The following MYO1H variants were observed in gnomAD, a reference collection of about 807,000 sequenced individuals.
The protein encoded by MYO1H is myosin IH.
A neutral mutation model predicts 149.3 loss-of-function variants in MYO1H; 118 were observed. The ratio of observed to expected loss-of-function variants is 0.79; its 90% CI spans 0.68 to 0.92. The LOEUF is 0.92. MYO1H is among the 40% of genes least tolerant of loss of function. MYO1H has a pLI of 0.00. For missense variants in MYO1H, 1,212 were observed against 1,280.7 expected (o/e 0.95, Z 0.82); for synonymous variants, 447 against 465.2 (o/e 0.96, Z 0.50).
At chr12:109,447,063 C>A in intron 31 of MYO1H, 96 bp from the exon 32 acceptor site, 1 of 1,273,124 alleles carries the variant, frequency 7.9e-7, no homozygotes, top group Non-Finnish European at 1.1e-6. Context: ...CCCTCCACAC[C>A]CACCTTGCTA....
intron 27 of MYO1H, among the ~76,000 whole-genome samples, chr12:109,443,009 A>AAAAAT (rs1371725807): frequency 2.7e-4 from 16 of 58,496 alleles, no homozygotes; most frequent in African/African-American, 1.3e-3. Context: ...AAAAAAAAAA[A>AAAAAT]ATATATATAT....
chr12:109,418,792 C>T (rs1592807201), intron 15 of MYO1H, among the ~76,000 whole-genome samples: 1 of 152,318 alleles, frequency 6.6e-6, no homozygotes, highest in East Asian at 1.9e-4. Context: ...GATCCACCCG[C>T]CTCAGCCTCT....
intron 29 of MYO1H, 28 bp from the exon 30 acceptor site, chr12:109,444,404 A>T (rs924097713): frequency 6.2e-7 from 1 of 1,601,226 alleles, no homozygotes; most frequent in African/African-American, 1.3e-5. Flanking sequence ...GAATACTGAA[A>T]TTATGCCTTG....
At chr12:109,314,116 T>C in the MYO1H span, among the ~76,000 whole-genome samples, 2 of 152,108 alleles carry the variant, frequency 1.3e-5, no homozygotes, top group Non-Finnish European at 2.9e-5. Context: ...AACTCCTGAC[T>C]TCAAGTGGTC....
intron 24 of MYO1H, chr12:109,440,442 CTGT>C (rs1872070451): frequency 9.5e-6 from 3 of 315,490 alleles, no homozygotes; most frequent in African/African-American, 6.6e-5. Context: ...AGAGGCGGGG[CTGT>C]TGTAAGAGTC....
chr12:109,429,755 A>T (rs1021897633), intron 19 of MYO1H, among the ~76,000 whole-genome samples: 30 of 151,310 alleles, frequency 2.0e-4, no homozygotes, highest in African/African-American at 7.3e-4. Context: ...CTCCTTAGGT[A>T]AGGGGGTCAC....
chr12:109,415,272 C>T (rs1398729032), intron 14 of MYO1H, among the ~76,000 whole-genome samples: 1 of 152,004 alleles, frequency 6.6e-6, no homozygotes, highest in East Asian at 1.9e-4. Flanking sequence ...GTCAGGAGTT[C>T]GAGACCAGCC....
At chr12:109,322,324 A>G in the MYO1H span, among the ~76,000 whole-genome samples, 1 of 152,194 alleles carries the variant, frequency 6.6e-6, no homozygotes, top group East Asian at 1.9e-4. Flanking sequence ...ACAAAGAACG[A>G]AGGGGTCCCT....
chr12:109,432,761 G>T (rs10492216), intron 19 of MYO1H, 136 bp from the exon 20 acceptor site: 44,366 of 651,622 alleles, frequency 0.068, 1,764 homozygotes, highest in Middle Eastern at 0.11. Context: ...GAGAAAGTTC[G>T]TGTAATGGGA....
At chr12:109,445,460 T>C in intron 30 of MYO1H, 53 bp from the exon 31 acceptor site, 1 of 1,351,108 alleles carries the variant, frequency 7.4e-7, no homozygotes, top group Non-Finnish European at 1.0e-6. Flanking sequence ...AGACCAAAGG[T>C]TGAGAGAAGA....
upstream of MYO1H, among the ~76,000 whole-genome samples, chr12:109,343,449 A>G (rs1187208038): frequency 6.6e-6 from 1 of 152,196 alleles, no homozygotes; most frequent in African/African-American, 2.4e-5. Flanking sequence ...TTAGGGAGGA[A>G]TATTTTTATC....
intron 21 of MYO1H, among the ~76,000 whole-genome samples, chr12:109,435,705 T>C (rs945312467): frequency 2.6e-5 from 4 of 152,178 alleles, no homozygotes; most frequent in Non-Finnish European, 5.9e-5. Context: ...GGAGGTGACA[T>C]AGGTGCTATC....
At chr12:109,395,358 G>A (rs537825760) in intron 3 of MYO1H, among the ~76,000 whole-genome samples, 119 of 152,268 alleles carry the variant, frequency 7.8e-4, no homozygotes, top group Non-Finnish European at 1.4e-3. Flanking sequence ...TTAATAGAAC[G>A]TCTCTTGGAG....
chr12:109,372,452 C>A (rs1486751133), intron 1 of MYO1H, among the ~76,000 whole-genome samples: 1 of 151,978 alleles, frequency 6.6e-6, no homozygotes, highest in Non-Finnish European at 1.5e-5. Context: ...TTTACAATTG[C>A]ATAATGCCAT....
At chr12:109,402,059 G>A (rs553181637) in intron 6 of MYO1H, among the ~76,000 whole-genome samples, 10 of 152,166 alleles carry the variant, frequency 6.6e-5, no homozygotes, top group African/African-American at 1.4e-4. Flanking sequence ...ATCTTTTCCC[G>A]CATTCCTGCC....
chr12:109,406,834 A>G, exon 9 of MYO1H: 1 of 1,613,858 alleles, frequency 6.2e-7, no homozygotes, highest in Middle Eastern at 1.6e-4. Context: ...TCTCACCCAC[A>G]GAAAAATTGA....
intron 25 of MYO1H, 112 bp downstream of exon 25, chr12:109,440,939 C>T: frequency 1.3e-6 from 1 of 771,594 alleles, no homozygotes; most frequent in Non-Finnish European, 2.2e-6. Flanking sequence ...TCATGCTAGT[C>T]CCATGCTTTG....
intron 24 of MYO1H, 181 bp from the exon 25 acceptor site, chr12:109,440,563 C>G: frequency 1.7e-6 from 1 of 574,308 alleles, no homozygotes; most frequent in Non-Finnish European, 3.1e-6. Flanking sequence ...ATTCGTTAAG[C>G]AACAGCAAAA....
intron 2 of MYO1H, 103 bp downstream of exon 2, chr12:109,388,947 T>C: frequency 7.3e-7 from 1 of 1,374,822 alleles, no homozygotes; most frequent in Non-Finnish European, 9.8e-7. Flanking sequence ...AGGTTAGACA[T>C]TAAAGGGAGA....
Sources: gnomAD v4.1 joint callset for allele counts (sites outside exome capture counted in the v4.1 genomes callset) on GRCh38, gnomAD v4.1.1 for gene constraint, MANE v1.5 for transcripts, NCBI Gene and HGNC (gene_info 2026-07-23, HGNC 2026-07-21) for gene names.